Variants in PMM2 observed in about 807,000 individuals in gnomAD.
The protein encoded by PMM2 is phosphomannomutase 2, also known as mannose-6-phosphate isomerase.
PMM2 carries 35 observed loss-of-function variants against 33.2 expected under a neutral mutation model. The ratio of observed to expected loss-of-function variants is 1.06; its 90% confidence interval spans 0.81 to 1.40. The LOEUF is 1.40. Among genes scored for constraint, PMM2 ranks in the 40% most tolerant of loss-of-function variants. The pLI is 0.00. For missense variants in PMM2, 386 were observed against 306.0 expected (o/e 1.26, Z -1.95); for synonymous variants, 153 against 114.7 (o/e 1.33, Z -2.13).
chr16:8,833,902 C>T (rs958158531), intron 7 of PMM2, among the ~76,000 whole-genome samples: 3 of 152,020 alleles, frequency 2.0e-5, no homozygotes, highest in East Asian at 1.9e-4. Flanking sequence ...TTGGGGATAG[C>T]ACCAGGAGAT....
chr16:8,843,544 C>T (rs550584567), intron 7 of PMM2, among the ~76,000 whole-genome samples: 1 of 152,046 alleles, frequency 6.6e-6, no homozygotes, highest in Non-Finnish European at 1.5e-5. Context: ...GCACGTGTAG[C>T]AAGCTCCTGG....
chr16:8,839,793 G>A (rs567181710), intron 7 of PMM2, among the ~76,000 whole-genome samples: 14 of 151,872 alleles, frequency 9.2e-5, no homozygotes, highest in Non-Finnish European at 1.6e-4. Flanking sequence ...GGGAATTCCA[G>A]TGGGTCTTTG....
chr16:8,813,090 G>C lies in PMM2; in HGVS notation c.623G>C (p.Gly208Ala), dbSNP rs398123309. ...GGTTATAAGACCATTTATTTCTTTG[G>C]AGACAAAACTATGCCAGTAAGTAGA... Reference protein sequence around the residue: ...NDGYKTIYFFGDKTMPGGNDH... With the variant: ...NDGYKTIYFFADKTMPGGNDH... Residue 208 changes from glycine (G) to alanine (A), a missense_variant, in exon 7 of 8, where the codon GGA becomes GCA. Coordinates refer to ENST00000268261, the MANE Select transcript of PMM2 (RefSeq NM_000303.3). 14 of 1,597,560 alleles carry C rather than the reference G, an allele frequency of 8.8e-6. No individual in the cohort carries two copies. The highest frequency in any genetic ancestry group is 1.1e-5 in the South Asian group (1 of 90,712).
intron 7 of PMM2, among the ~76,000 whole-genome samples, chr16:8,817,667 T>C (rs2060715558): frequency 6.6e-6 from 1 of 152,074 alleles, no homozygotes; most frequent in Admixed American, 6.6e-5. Context: ...TTTTAAAAAA[T>C]GAGTATTATT....
intron 7 of PMM2, among the ~76,000 whole-genome samples, chr16:8,827,547 C>T (rs1300694554): frequency 1.3e-5 from 2 of 149,424 alleles, no homozygotes; most frequent in Non-Finnish European, 3.0e-5. Flanking sequence ...AGGCACACGC[C>T]ACCAGGCCTG....
intron 7 of PMM2, among the ~76,000 whole-genome samples, chr16:8,835,270 G>C (rs1398545516): frequency 2.6e-5 from 4 of 151,736 alleles, no homozygotes; most frequent in Non-Finnish European, 5.9e-5. Context: ...ATTGAGGTTT[G>C]GGAGATTAAT....
intron 7 of PMM2, among the ~76,000 whole-genome samples, chr16:8,846,072 C>T (rs1210073286): frequency 1.3e-5 from 2 of 152,196 alleles, no homozygotes; most frequent in Non-Finnish European, 2.9e-5. Flanking sequence ...CAGTACAAGG[C>T]CCTGACAGGT....
At chr16:8,825,743 A>C (rs1048338148) in intron 7 of PMM2, among the ~76,000 whole-genome samples, 2 of 147,270 alleles carry the variant, frequency 1.4e-5, no homozygotes, top group African/African-American at 5.0e-5. Flanking sequence ...TCAGTGTTCA[A>C]AAATAAAACA....
At chr16:8,820,613 C>G in intron 7 of PMM2, among the ~76,000 whole-genome samples, 1 of 152,172 alleles carries the variant, frequency 6.6e-6, no homozygotes, top group East Asian at 1.9e-4. Flanking sequence ...CTTGGCCTCC[C>G]AAAGTGCTGG....
chr16:8,804,401 G>A (rs995132723), intron 2 of PMM2, among the ~76,000 whole-genome samples: 1 of 152,112 alleles, frequency 6.6e-6, no homozygotes, highest in Admixed American at 6.6e-5. Context: ...GATTCAGGAA[G>A]CGAGAGAGCA....
In PMM2 at chr16:8,838,027, T is replaced by C. The variant is rs552537776; in HGVS notation, c.640-9697T>C. On this transcript the variant is annotated intron_variant, in intron 7 of 7. Coordinates refer to ENST00000268261, the MANE Select transcript of PMM2 (RefSeq NM_000303.3). ...ACAGGCTTTGTGTGAGCAACATGGC[T>C]GTTTATTTCACCTGGGTGCAGGCGG... Among the ~76,000 whole-genome samples, 174 of 152,238 alleles carry C rather than the reference T, an allele frequency of 1.1e-3. 1 individual carries two copies. Among genetic ancestry groups the C allele is most frequent in the African/African-American group, 4.0e-3 (168 of 41,554 alleles).
intron 7 of PMM2, among the ~76,000 whole-genome samples, chr16:8,838,701 A>G (rs1410920179): frequency 6.6e-6 from 1 of 152,058 alleles, no homozygotes; most frequent in Non-Finnish European, 1.5e-5. Context: ...GGTCCAAATA[A>G]AAGAAGGAGA....
At chr16:8,838,485 C>A (rs28837770) in intron 7 of PMM2, among the ~76,000 whole-genome samples, 1 of 151,306 alleles carries the variant, frequency 6.6e-6, no homozygotes, top group South Asian at 2.1e-4. Flanking sequence ...GGTATGGAGA[C>A]AGAATGGGCG....
At chr16:8,825,267 G>T (rs564803916) in intron 7 of PMM2, among the ~76,000 whole-genome samples, 1 of 151,760 alleles carries the variant, frequency 6.6e-6, no homozygotes, top group Admixed American at 6.6e-5. Context: ...TCCTGACCTC[G>T]TGATCCACCC....
intron 7 of PMM2, among the ~76,000 whole-genome samples, chr16:8,829,772 C>G (rs1202739448): frequency 1.3e-5 from 2 of 152,222 alleles, no homozygotes; most frequent in Non-Finnish European, 2.9e-5. Flanking sequence ...ACCAACCAGA[C>G]AAACTAGGAG....
At chr16:8,828,724 C>T (rs904266608) in intron 7 of PMM2, among the ~76,000 whole-genome samples, 12 of 152,184 alleles carry the variant, frequency 7.9e-5, no homozygotes, top group Admixed American at 7.2e-4. Flanking sequence ...GATTGAACAG[C>T]GGGCTTAGAG....
At chr16:8,833,724 T>C (rs2060826193) in intron 7 of PMM2, among the ~76,000 whole-genome samples, 1 of 151,328 alleles carries the variant, frequency 6.6e-6, no homozygotes, top group Admixed American at 6.6e-5. Flanking sequence ...TGGATACGGT[T>C]TTGGATGAAT....
At chr16:8,812,956 C>T in intron 6 of PMM2, 35 bp from the exon 7 acceptor site, 1 of 1,191,622 alleles carries the variant, frequency 8.4e-7, no homozygotes, top group Admixed American at 1.7e-5. Context: ...CCTTTTTCAC[C>T]TTTTGCCTTT....
chr16:8,799,611 A>G (rs1002651206), intron 1 of PMM2, among the ~76,000 whole-genome samples: 1 of 151,666 alleles, frequency 6.6e-6, no homozygotes, highest in Admixed American at 6.6e-5. Flanking sequence ...GTAGTGGCCC[A>G]ATCTCAGTTC....
Sources: allele counts gnomAD v4.1 joint callset (sites outside exome capture counted in the v4.1 genomes callset), GRCh38; gene constraint gnomAD v4.1.1; transcripts MANE v1.5; gene names NCBI Gene and HGNC (gene_info 2026-07-23, HGNC 2026-07-21).